The following DNM3 variants were observed in gnomAD, a reference collection of about 807,000 sequenced individuals.
DNM3 encodes dynamin-3.
A neutral mutation model predicts 101.6 loss-of-function variants in DNM3; 47 were observed. The observed-to-expected ratio is 0.46, with a 90% CI of 0.37 to 0.59. The LOEUF is 0.59. Among genes scored for constraint, DNM3 ranks in the 20% least tolerant of loss-of-function variants. DNM3 has a pLI of 0.00. For synonymous variants in DNM3, 385 were observed against 387.9 expected, an observed-to-expected ratio of 0.99 and a Z score of 0.09; for missense variants, 849 against 1,085.7, an observed-to-expected ratio of 0.78 and a Z score of 3.06.
chr1:172,003,911 TG>T (rs1393788350), intron 4 of DNM3, among the ~76,000 whole-genome samples: 4 of 151,894 alleles, frequency 2.6e-5, no homozygotes, highest in Non-Finnish European at 4.4e-5. Flanking sequence ...TGGGCAGCAC[TG>T]GGGGACTCTA....
intron 6 of DNM3, among the ~76,000 whole-genome samples, chr1:172,035,133 A>C (rs1323830805): frequency 6.6e-6 from 1 of 152,116 alleles, no homozygotes; most frequent in Non-Finnish European, 1.5e-5. Context: ...TAGGTGGTAG[A>C]TTAGAGCTGT....
intron 12 of DNM3, among the ~76,000 whole-genome samples, chr1:172,089,115 T>A (rs1336479977): frequency 6.6e-6 from 1 of 152,254 alleles, no homozygotes; most frequent in Non-Finnish European, 1.5e-5. Flanking sequence ...GGTAATTATA[T>A]CCCACATTTA....
intron 2 of DNM3, among the ~76,000 whole-genome samples, chr1:171,943,114 AAAAAAT>A (rs1261918124): frequency 6.6e-6 from 1 of 152,082 alleles, no homozygotes; most frequent in Non-Finnish European, 1.5e-5. Context: ...CTGTCTCAAA[AAAAAAT>A]AAAAATAAAA....
At chr1:172,203,969 T>C (rs1443368290) in intron 14 of DNM3, among the ~76,000 whole-genome samples, 1 of 152,198 alleles carries the variant, frequency 6.6e-6, no homozygotes, top group East Asian at 1.9e-4. Context: ...AGATTATTGA[T>C]ATTTTTATGT....
intron 14 of DNM3, among the ~76,000 whole-genome samples, chr1:172,233,881 G>A (rs2061434473): frequency 6.6e-6 from 1 of 152,104 alleles, no homozygotes; most frequent in South Asian, 2.1e-4. Flanking sequence ...GGTATTGATG[G>A]GACGTATCTC....
At chr1:172,179,322 AACTGGTATTAAATT>A (rs2059264424) in intron 14 of DNM3, among the ~76,000 whole-genome samples, 1 of 151,978 alleles carries the variant, frequency 6.6e-6, no homozygotes, top group African/African-American at 2.4e-5. Context: ...ACTAGTATTT[AACTGGTATTAAATT>A]CAAGATTATA....
intron 1 of DNM3, among the ~76,000 whole-genome samples, chr1:171,865,476 AC>A (rs1253522357): frequency 7.4e-6 from 1 of 135,570 alleles, no homozygotes; most frequent in Non-Finnish European, 1.5e-5. Flanking sequence ...TGATCCTGCC[AC>A]TGCACTCCAG....
chr1:171,949,945 A>G (rs2042406518), intron 2 of DNM3, among the ~76,000 whole-genome samples: 1 of 152,206 alleles, frequency 6.6e-6, no homozygotes, highest in Non-Finnish European at 1.5e-5. Context: ...CCCAAGAGAA[A>G]TGGATGCATT....
chr1:172,045,924 T>C (rs1455410405), intron 9 of DNM3, among the ~76,000 whole-genome samples: 1 of 152,212 alleles, frequency 6.6e-6, no homozygotes, highest in Non-Finnish European at 1.5e-5. Flanking sequence ...CTTGAGTTAT[T>C]TGTTGTTTTA....
rs146731036 is a variant in DNM3, at chr1:172,249,221, C to T, written c.1660-4352C>T. ...CTCTGCCAGCTAGAGACCATCACTG[C>T]GCACTTGCCAAGCCCATACCTATCT... On this transcript the variant is annotated intron_variant, in intron 14 of 20. Coordinates refer to ENST00000627582, the MANE Select transcript of DNM3 (RefSeq NM_015569.5). Among the ~76,000 whole-genome samples the T allele has an allele frequency of 9.2e-5, 14 of 152,252 alleles. 1 individual carries two copies. The highest frequency in any genetic ancestry group is 2.1e-4 in the South Asian group (1 of 4,820).
chr1:172,243,420 T>C (rs951309195), intron 14 of DNM3, among the ~76,000 whole-genome samples: 1 of 152,154 alleles, frequency 6.6e-6, no homozygotes, highest in African/African-American at 2.4e-5. Context: ...CCCATGGGCT[T>C]GTAAGGCCAG....
rs368307698 is a variant in DNM3 at position 171,921,840 on chromosome 1, T to A, written c.235+19T>A. The A allele has an allele frequency of 1.5e-4, 233 of 1,584,002 alleles. 2 individuals carry two copies. Among genetic ancestry groups the A allele is most frequent in the Middle Eastern group, 6.6e-4 (4 of 6,060 alleles). ...AAAGCAGGTAATGAATGAAGATGTT[T>A]ACCGCATGGATGGGCACATCCTGTG... On this transcript the variant is annotated intron_variant, in intron 2 of 20. Transcript: ENST00000627582.
At chr1:171,962,236 G>A (rs568368455) in intron 2 of DNM3, among the ~76,000 whole-genome samples, 4 of 152,220 alleles carry the variant, frequency 2.6e-5, no homozygotes, top group Admixed American at 6.5e-5. Context: ...CACTGCTACC[G>A]CAGTAGGGAT....
At chr1:171,847,090 G>A (rs940575515) in intron 1 of DNM3, among the ~76,000 whole-genome samples, 6 of 152,120 alleles carry the variant, frequency 3.9e-5, no homozygotes, top group Non-Finnish European at 8.8e-5. Context: ...TGTATTTATT[G>A]AGTTCTAAGT....
At chr1:172,195,420 T>C (rs1024841566) in intron 14 of DNM3, among the ~76,000 whole-genome samples, 1 of 151,884 alleles carries the variant, frequency 6.6e-6, no homozygotes, top group Admixed American at 6.6e-5. Flanking sequence ...TTATTTCCTT[T>C]TCTTGACTTA....
chr1:171,899,042 T>C (rs1316416274), intron 1 of DNM3, among the ~76,000 whole-genome samples: 2 of 152,212 alleles, frequency 1.3e-5, no homozygotes, highest in African/African-American at 2.4e-5. Context: ...TTGTTCCTCT[T>C]AGCCCCTCCG....
chr1:171,896,733 T>C (rs932294331), intron 1 of DNM3, among the ~76,000 whole-genome samples: 3 of 152,174 alleles, frequency 2.0e-5, no homozygotes, highest in Non-Finnish European at 1.5e-5. Context: ...ACAAAACACT[T>C]GCAATTTTTT....
chr1:171,991,081 C>T (rs969641903), intron 4 of DNM3, among the ~76,000 whole-genome samples: 5 of 152,244 alleles, frequency 3.3e-5, no homozygotes, highest in South Asian at 2.1e-4. Flanking sequence ...GGAGTCCACA[C>T]GTAGTCCACG....
At chr1:172,022,391 G>A (rs1158289594) in intron 4 of DNM3, among the ~76,000 whole-genome samples, 1 of 152,096 alleles carries the variant, frequency 6.6e-6, no homozygotes, top group Non-Finnish European at 1.5e-5. Flanking sequence ...TCTGCCAGCA[G>A]GAGTTCATTG....
Sources: allele counts gnomAD v4.1 joint callset (sites outside exome capture counted in the v4.1 genomes callset), GRCh38; gene constraint gnomAD v4.1.1; transcripts MANE v1.5; gene names NCBI Gene and HGNC (gene_info 2026-07-23, HGNC 2026-07-21).